The following DCDC1 variants were observed in gnomAD, a reference collection of about 807,000 sequenced individuals.
DCDC1 encodes the protein doublecortin domain containing 1.
A neutral mutation model predicts 178.3 loss-of-function variants in DCDC1; 200 were observed. That is an observed-to-expected ratio of 1.12 (90% confidence interval 1.00 to 1.26). The LOEUF (loss-of-function observed/expected upper bound fraction) is 1.26, where lower values mean the gene tolerates loss of function less well. Among genes scored for constraint, DCDC1 ranks in the 50% most tolerant of loss-of-function variants. The pLI, the probability that DCDC1 is intolerant of heterozygous loss-of-function variation, is 0.00. For missense variants in DCDC1, 1,983 were observed against 1,749.2 expected (o/e 1.13, Z -2.38); for synonymous variants, 690 against 604.8 (o/e 1.14, Z -2.07).
chr11:30,957,454 T>C (rs1440780693), intron 20 of DCDC1, among the ~76,000 whole-genome samples: 1 of 152,124 alleles, frequency 6.6e-6, no homozygotes, highest in African/African-American at 2.4e-5. Flanking sequence ...GGTCTTTTCT[T>C]AAAACATACC....
chr11:30,969,619 C>T (rs1490394520), intron 20 of DCDC1, among the ~76,000 whole-genome samples: 1 of 152,086 alleles, frequency 6.6e-6, no homozygotes, highest in Non-Finnish European at 1.5e-5. Flanking sequence ...TTATAAATTC[C>T]AACAGTAATT....
chr11:31,321,801 A>G (rs1033747559), intron 3 of DCDC1, among the ~76,000 whole-genome samples: 1 of 152,242 alleles, frequency 6.6e-6, no homozygotes, highest in Admixed American at 6.5e-5. Context: ...CATTTTCTAG[A>G]AACTCTTTCA....
chr11:31,226,725 GA>G lies in DCDC1; in HGVS notation c.1221+14724del, dbSNP rs1975014775. 3.0e-5 allele frequency among the ~76,000 whole-genome samples: 4 copies of G among 132,886 alleles called. No individual in the cohort carries two copies. In the East Asian group the frequency reaches 7.0e-4, roughly 23 times the overall value. 87.2% of individuals were successfully genotyped at this position (132,886 alleles called of 152,430 possible). Reference sequence around the variant, plus strand: ...CTCATCTCTAAAAAAAAAAAAAAAAGAAAGTTTTAACAAAAGACATTAAAAG... The same window carrying G: ...CTCATCTCTAAAAAAAAAAAAAAAAGAAGTTTTAACAAAAGACATTAAAAG... On this transcript the variant is annotated intron_variant, in intron 9 of 38. Transcript: ENST00000684477.
intron 9 of DCDC1, among the ~76,000 whole-genome samples, chr11:31,168,621 G>C (rs914580246): frequency 6.6e-6 from 1 of 152,148 alleles, no homozygotes; most frequent in African/African-American, 2.4e-5. Context: ...TAGGAGAGAG[G>C]GTTTTTAAGA....
intron 1 of DCDC1, among the ~76,000 whole-genome samples, chr11:31,341,741 T>C (rs1950557954): frequency 6.6e-6 from 1 of 151,998 alleles, no homozygotes; most frequent in Non-Finnish European, 1.5e-5. Flanking sequence ...AGCTCCATTA[T>C]AATCTCATGG....
chr11:31,169,337 A>T (rs1235915564), intron 9 of DCDC1, among the ~76,000 whole-genome samples: 1 of 152,242 alleles, frequency 6.6e-6, no homozygotes, highest in Non-Finnish European at 1.5e-5. Context: ...TTCTGTATGT[A>T]TACCACTGAA....
At chr11:31,154,905 G>A (rs954323212) in intron 9 of DCDC1, among the ~76,000 whole-genome samples, 10 of 152,306 alleles carry the variant, frequency 6.6e-5, no homozygotes, top group Admixed American at 4.6e-4. Context: ...GCCCTACTAC[G>A]TGGTTCTTCT....
At chr11:31,239,411 A>T (rs1261950911) in intron 9 of DCDC1, among the ~76,000 whole-genome samples, 2 of 152,032 alleles carry the variant, frequency 1.3e-5, no homozygotes, top group African/African-American at 4.8e-5. Context: ...GGACTTCTCT[A>T]AACATTCAAA....
chr11:31,264,920 A>G (rs967366468), intron 8 of DCDC1, among the ~76,000 whole-genome samples: 2 of 152,146 alleles, frequency 1.3e-5, no homozygotes, highest in Admixed American at 6.6e-5. Context: ...CAGATTGGCC[A>G]TGGTATGAGC....
At chr11:31,299,305 T>A (rs754075759) in intron 6 of DCDC1, among the ~76,000 whole-genome samples, 1 of 152,224 alleles carries the variant, frequency 6.6e-6, no homozygotes, top group Non-Finnish European at 1.5e-5. Flanking sequence ...TCATTTGAAG[T>A]ATGTCTTCAA....
At chr11:31,105,185 A>C (rs1439098362) in intron 13 of DCDC1, among the ~76,000 whole-genome samples, 1 of 152,016 alleles carries the variant, frequency 6.6e-6, no homozygotes, top group Non-Finnish European at 1.5e-5. Context: ...TTTATGTTGG[A>C]CTGGAAACCA....
intron 9 of DCDC1, among the ~76,000 whole-genome samples, chr11:31,175,149 C>T (rs192258952): frequency 5.3e-5 from 8 of 152,312 alleles, no homozygotes; most frequent in African/African-American, 7.2e-5. Flanking sequence ...CTGGCATCTC[C>T]GAGCTTCCGG....
At chr11:31,131,773 T>C (rs1962469462) in intron 10 of DCDC1, among the ~76,000 whole-genome samples, 1 of 152,208 alleles carries the variant, frequency 6.6e-6, no homozygotes, top group Admixed American at 6.5e-5. Context: ...TCATGCATTG[T>C]ATTTCACTAG....
chr11:31,110,398 C>T (rs1287191919), intron 11 of DCDC1, 37 bp from the exon 12 acceptor site: 2 of 694,194 alleles, frequency 2.9e-6, no homozygotes, highest in Non-Finnish European at 5.3e-6. Flanking sequence ...AAAATAAATA[C>T]ATGCACACAT....
At chr11:30,955,319 C>G (rs1206736841) in intron 20 of DCDC1, among the ~76,000 whole-genome samples, 1 of 152,192 alleles carries the variant, frequency 6.6e-6, no homozygotes, top group Non-Finnish European at 1.5e-5. Context: ...ACCTACTTCA[C>G]TTCCTAGTTG....
In DCDC1 at chr11:30,903,575, G is replaced by C; in HGVS notation, c.4417C>G (p.Leu1473Val). The C allele has an allele frequency of 1.9e-6, 3 of 1,609,534 alleles. No homozygotes were observed. The highest frequency in any genetic ancestry group is 1.7e-5 in the Admixed American group (1 of 59,422). Residue 1473 changes from leucine to valine, a missense_variant, in exon 32 of 39, where the codon CTA becomes GTA. Leu to Val is a conservative substitution (Grantham distance 32). Transcript: ENST00000684477. ...FTLRDLVLWALDESFLQRDSE... is the reference protein window; with the variant it reads ...FTLRDLVLWAVDESFLQRDSE... ...TCTCTCTGGAGAAAGGATTCATCTA[G>C]AGCCCATAAAACCAAATCACGCAAG...
At chr11:30,951,045 T>A (rs899134412) in intron 21 of DCDC1, among the ~76,000 whole-genome samples, 11 of 151,646 alleles carry the variant, frequency 7.3e-5, no homozygotes, top group African/African-American at 2.7e-4. Flanking sequence ...AATAAGGGAG[T>A]GGGAGAATAT....
intron 2 of DCDC1, among the ~76,000 whole-genome samples, chr11:31,334,425 G>A (rs545388264): frequency 3.5e-4 from 53 of 152,270 alleles, no homozygotes; most frequent in African/African-American, 1.3e-3. Flanking sequence ...TTCCATTGCT[G>A]GCGAGGAGCT....
At chr11:31,080,418 T>G (rs1565257044) in intron 17 of DCDC1, among the ~76,000 whole-genome samples, 1 of 152,206 alleles carries the variant, frequency 6.6e-6, no homozygotes, top group Non-Finnish European at 1.5e-5. Flanking sequence ...GAAGTTATTT[T>G]GTGTAAGTGG....
Sources: gnomAD v4.1 joint callset for allele counts (sites outside exome capture counted in the v4.1 genomes callset) on GRCh38, gnomAD v4.1.1 for gene constraint, MANE v1.5 for transcripts, NCBI Gene and HGNC (gene_info 2026-07-23, HGNC 2026-07-21) for gene names.